The following VDAC2 variants were observed in gnomAD, a reference collection of about 807,000 sequenced individuals.
VDAC2 encodes the protein non-selective voltage-gated ion channel VDAC2.
In VDAC2, 6 loss-of-function variants were observed where a neutral mutation model predicts 36.6. The observed-to-expected ratio is 0.16, with a 90% confidence interval of 0.09 to 0.32. The LOEUF is 0.32. VDAC2 is among the 10% of genes least tolerant of loss of function. VDAC2 has a pLI of 1.00. For missense variants in VDAC2, 247 were observed against 346.0 expected (o/e 0.71, Z 2.27); for synonymous variants, 109 against 123.8 (o/e 0.88, Z 0.79).
chr10:75,229,606 A>G, intron 8 of VDAC2, 38 bp from the exon 9 acceptor site: 2 of 1,522,054 alleles, frequency 1.3e-6, no homozygotes, highest in Non-Finnish European at 1.8e-6. Flanking sequence ...TCTCTATTGA[A>G]ATATTTTTCT....
intron 8 of VDAC2, among the ~76,000 whole-genome samples, chr10:75,227,018 C>G (rs1370575119): frequency 1.3e-5 from 2 of 152,156 alleles, no homozygotes; most frequent in African/African-American, 4.8e-5. Context: ...AGGGGGCCTT[C>G]AGGAAGGTAA....
rs1299675251 is a variant in VDAC2 at position 75,229,780 on chromosome 10, C to A, written c.793+79C>A. 8 of 1,144,404 alleles carry A rather than the reference C, an allele frequency of 7.0e-6. No homozygotes were observed. The African/African-American group carries it at 1.3e-4, about 18-fold the overall frequency. 70.9% of individuals were successfully genotyped at this position (1,144,404 alleles called of 1,614,324 possible). A position where few individuals can be genotyped will look rare whatever the true frequency, so the allele number is the denominator to read the frequency against. On this transcript the variant is annotated intron_variant, in intron 9 of 9. Coordinates refer to ENST00000332211, the MANE Select transcript of VDAC2 (RefSeq NM_001391963.1). ...TTCATTCTTCAGCTTACTTTTCAGA[C>A]CTTTCAAGCACACAGAAGAGTTGAA...
At chr10:75,217,463 A>G (rs952276920) in intron 4 of VDAC2, among the ~76,000 whole-genome samples, 14 of 152,164 alleles carry the variant, frequency 9.2e-5, no homozygotes, top group African/African-American at 3.4e-4. Flanking sequence ...CTGCAACCTC[A>G]GGTTCTCAGG....
At chr10:75,214,695 T>C (rs947153919) in intron 4 of VDAC2, among the ~76,000 whole-genome samples, 1 of 152,160 alleles carries the variant, frequency 6.6e-6, no homozygotes, top group Admixed American at 6.6e-5. Context: ...TGACTGATTT[T>C]TGTATTTTTA....
At chr10:75,210,699 G>C (rs1841377361), upstream of VDAC2, 1 of 155,292 alleles carries the variant, frequency 6.4e-6, no homozygotes, top group African/African-American at 2.4e-5. Flanking sequence ...GTCGGTCCAC[G>C]TGGCCGCTCT....
At chr10:75,220,168 C>G (rs1363044519) in intron 6 of VDAC2, among the ~76,000 whole-genome samples, 1 of 151,466 alleles carries the variant, frequency 6.6e-6, no homozygotes, top group Non-Finnish European at 1.5e-5. Flanking sequence ...TGCAATGGTG[C>G]GATCTTGGCT....
chr10:75,230,877 T>G, intron 9 of VDAC2, 21 bp from the exon 10 acceptor site: 1 of 1,606,712 alleles, frequency 6.2e-7, no homozygotes. Context: ...TTTTTGTTTT[T>G]GTGTTTTTTT....
intron 8 of VDAC2, among the ~76,000 whole-genome samples, chr10:75,226,463 T>A (rs997056787): frequency 6.7e-6 from 1 of 149,024 alleles, no homozygotes. Flanking sequence ...TTTTTTTTTT[T>A]TTTTTTTTTT....
chr10:75,211,017 G>T (rs1841396913), intron 1 of VDAC2, 79 bp downstream of exon 1: 1 of 969,416 alleles, frequency 1.0e-6, no homozygotes. Flanking sequence ...CGGACTCGGA[G>T]TCGGCCCTGG....
chr10:75,228,446 A>G (rs1326381647), intron 8 of VDAC2, among the ~76,000 whole-genome samples: 2 of 150,834 alleles, frequency 1.3e-5, no homozygotes, highest in African/African-American at 2.4e-5. Flanking sequence ...ACAGACAGAC[A>G]GGGGTCTCAC....
At chr10:75,225,699 A>G (rs1010699623) in intron 8 of VDAC2, among the ~76,000 whole-genome samples, 1 of 152,174 alleles carries the variant, frequency 6.6e-6, no homozygotes, top group Admixed American at 6.5e-5. Context: ...CTAAAGTCTC[A>G]TTCTCATGTC....
chr10:75,226,337 C>G (rs1453089221), intron 8 of VDAC2, among the ~76,000 whole-genome samples: 2 of 151,754 alleles, frequency 1.3e-5, no homozygotes, highest in Non-Finnish European at 1.5e-5. Flanking sequence ...ATAACCCTTG[C>G]AATTTCCCAA....
chr10:75,219,017 T>C, intron 4 of VDAC2, 46 bp from the exon 5 acceptor site: 1 of 1,580,408 alleles, frequency 6.3e-7, no homozygotes, highest in Non-Finnish European at 8.6e-7. Flanking sequence ...AGTGATGAAT[T>C]CTAGGCTTAT....
Position 75,219,205 on chromosome 10 carries a change from T to G in VDAC2, c.293T>G (p.Ile98Ser), listed in dbSNP as rs753862163. ...TDNTLGTEIA[I>S]EDQICQGLKL... The stretch of plus-strand genomic sequence containing the variant: ...AACACTCTGGGAACAGAAATCGCAA[T>G]TGAAGACCAGGTAACATTTTGAAAA... The change falls in exon 5 of 10, where the codon ATT (isoleucine) becomes AGT (serine). Residue 98 changes from isoleucine to serine, a missense_variant. Physicochemically the swap from Ile to Ser is moderately radical, Grantham distance 142 (BLOSUM62 -2). This residue lies in a region of VDAC2 where 159 missense variants were observed against 234.0 expected (regional missense o/e 0.68). Coordinates refer to ENST00000332211, the MANE Select transcript of VDAC2 (RefSeq NM_001391963.1). 2.5e-6 allele frequency: 4 copies of G among 1,598,446 alleles called. No homozygotes were observed. The highest frequency in any genetic ancestry group is 3.4e-6 in the Non-Finnish European group (4 of 1,173,142).
intron 4 of VDAC2, among the ~76,000 whole-genome samples, chr10:75,217,538 C>T (rs140137368): frequency 0.011 from 1,719 of 152,060 alleles, 36 homozygotes; most frequent in African/African-American, 0.039. Flanking sequence ...CCACCATGCC[C>T]GGCTAATTTT....
In VDAC2 at chr10:75,222,469, T is replaced by C. The variant is rs1050682990; in HGVS notation, c.735+67T>C. 37 of 1,572,282 alleles carry C rather than the reference T, an allele frequency of 2.4e-5. 1 individual carries two copies. The highest frequency in any genetic ancestry group is 1.1e-4 in the African/African-American group (8 of 73,292). On this transcript the variant is annotated intron_variant, in intron 8 of 9. Coordinates refer to ENST00000332211, the MANE Select transcript of VDAC2 (RefSeq NM_001391963.1). ...GGAATGAGTCTTTGGGTATACTGAA[T>C]TATGTTGAAAATTTGAACTGATTTC...
At chr10:75,220,529 T>A (rs1841780899) in intron 6 of VDAC2, among the ~76,000 whole-genome samples, 1 of 148,894 alleles carries the variant, frequency 6.7e-6, no homozygotes, top group Admixed American at 6.6e-5. Flanking sequence ...TGACTGATTG[T>A]TTGTTCTGCA....
At position 75,211,115 on chromosome 10, in the gene VDAC2, C is replaced by T. The variant is rs913366019; in HGVS notation, c.-25-19C>T. 5 of 1,600,596 alleles carry T rather than the reference C, an allele frequency of 3.1e-6. No individual in the cohort carries two copies. The African/African-American group carries it at 5.4e-5, about 17-fold the overall frequency. On this transcript the variant is annotated intron_variant, in intron 1 of 9. Transcript: ENST00000332211. ...GGCCCTTTGACCCCAGCTTACCGCA[C>T]TTCTTGTCCCTCCCGCAGATTCCCC...
chr10:75,213,709 A>G (rs2132253720), intron 3 of VDAC2, among the ~76,000 whole-genome samples: 1 of 152,274 alleles, frequency 6.6e-6, no homozygotes, highest in South Asian at 2.1e-4. Context: ...GTGCCACTGC[A>G]CTCCAGCCTG....
Sources: allele counts gnomAD v4.1 joint callset (sites outside exome capture counted in the v4.1 genomes callset), GRCh38; gene constraint gnomAD v4.1.1; regional missense constraint gnomAD v4.1.1; transcripts MANE v1.5; gene names NCBI Gene and HGNC (gene_info 2026-07-23, HGNC 2026-07-21).